Variants in SSC5D observed in about 807,000 individuals in gnomAD.
SSC5D encodes the protein scavenger receptor cysteine rich family member with 5 domains, also known as soluble scavenger receptor cysteine-rich domain-containing protein SSC5D.
Under a neutral mutation model 104.6 loss-of-function variants are expected in SSC5D, and 106 were observed. The ratio of observed to expected loss-of-function variants is 1.01; its 90% CI spans 0.87 to 1.19. The LOEUF (loss-of-function observed/expected upper bound fraction) is 1.19, where lower values mean the gene tolerates loss of function less well. SSC5D is among the 50% of genes most tolerant of loss of function. SSC5D has a pLI of 0.00. For synonymous variants in SSC5D, 860 were observed against 883.5 expected (o/e 0.97, Z 0.47); for missense variants, 1,993 against 2,153.8 (o/e 0.93, Z 1.48).
In SSC5D at chr19:55,517,841, A is replaced by G; in HGVS notation, c.3565A>G (p.Thr1189Ala). Residue 1189 changes from threonine to alanine, a missense_variant, in exon 14 of 14, where the codon ACC becomes GCC. Thr to Ala is a moderately conservative substitution (Grantham distance 58). This residue lies in a region of SSC5D where 30 missense variants were observed against 52.4 expected (regional missense o/e 0.57). Transcript: ENST00000389623. ...PHPTTTPHPT[T>A]ITHSTMIPDP... ...CCCCACCACGACCCCTCACCCCACCACCATCACTCACTCCACCATGATTCC... is the reference window on the plus strand; with the variant it reads ...CCCCACCACGACCCCTCACCCCACCGCCATCACTCACTCCACCATGATTCC... The G allele has an allele frequency of 7.7e-7, 1 of 1,294,042 alleles. No individual in the cohort carries two copies. The highest frequency in any genetic ancestry group is 1.0e-6 in the Non-Finnish European group (1 of 992,232). The allele number at this position is 1,294,042 out of a possible 1,614,324, so 80.2% of individuals were successfully genotyped here.
At chr19:55,492,570 C>CCCAAAAATAAAAAAA (rs1987181222) in intron 6 of SSC5D, 1 of 152,106 alleles carries the variant, frequency 6.6e-6, no homozygotes, top group South Asian at 2.1e-4. Context: ...CTCCCCTCCC[C>CCCAAAAATAAAAAAA]TGTCTGCAGA....
chr19:55,488,555 C>T lies in SSC5D; in HGVS notation c.-35C>T, dbSNP rs1225690842. The T allele has an allele frequency of 1.3e-6, 2 of 1,546,672 alleles. No homozygotes were observed. The highest frequency in any genetic ancestry group is 2.0e-5 in the Admixed American group (1 of 50,890). On this transcript the variant is annotated 5_prime_UTR_variant, in exon 1 of 14. Coordinates refer to ENST00000389623, the MANE Select transcript of SSC5D (RefSeq NM_001144950.2). Reference sequence around the variant, plus strand: ...CTCCTCTTCTCTCCCCGCTCTCCTTCCCCTTTCACCCCATCCCCTGCCCTG... The same window carrying T: ...CTCCTCTTCTCTCCCCGCTCTCCTTTCCCTTTCACCCCATCCCCTGCCCTG...
Position 55,519,082 on chromosome 19 carries a change from A to C in SSC5D, c.*84A>C. Reference sequence around the variant, plus strand: ...AAAACCCCCAAAGTATCTAATTAAAAACAAGGTGTGAATGGTATTTTTGGG... The same window carrying C: ...AAAACCCCCAAAGTATCTAATTAAACACAAGGTGTGAATGGTATTTTTGGG... On this transcript the variant is annotated 3_prime_UTR_variant, in exon 14 of 14. Transcript: ENST00000389623. 1 of 1,400,200 alleles carries C rather than the reference A, an allele frequency of 7.1e-7. No individual in the cohort carries two copies. Among genetic ancestry groups the C allele is most frequent in the South Asian group, 1.3e-5 (1 of 74,138 alleles). The allele number at this position is 1,400,200 out of a possible 1,614,324, so 86.7% of individuals were successfully genotyped here.
At position 55,519,094 on chromosome 19, in the gene SSC5D, A is replaced by G. The variant is rs1987966931; in HGVS notation, c.*96A>G. 1.5e-6 allele frequency: 2 copies of G among 1,328,864 alleles called. No individual in the cohort carries two copies. Among genetic ancestry groups the G allele is most frequent in the African/African-American group, 3.0e-5 (2 of 67,238 alleles). The allele number at this position is 1,328,864 out of a possible 1,614,324, so 82.3% of individuals were successfully genotyped here. ...GTATCTAATTAAAAACAAGGTGTGAATGGTATTTTTGGGGAATCCTAGAAA... is the reference window on the plus strand; with the variant it reads ...GTATCTAATTAAAAACAAGGTGTGAGTGGTATTTTTGGGGAATCCTAGAAA... On this transcript the variant is annotated 3_prime_UTR_variant, in exon 14 of 14. Transcript: ENST00000389623.
intron 13 of SSC5D, among the ~76,000 whole-genome samples, chr19:55,513,733 G>A (rs568407371): frequency 3.3e-5 from 5 of 152,236 alleles, no homozygotes; most frequent in African/African-American, 1.2e-4. Context: ...GTAGAGGCCG[G>A]GGTGGTGATA....
chr19:55,514,925 G>T (rs974216335), intron 13 of SSC5D, among the ~76,000 whole-genome samples: 12 of 152,166 alleles, frequency 7.9e-5, no homozygotes, highest in Admixed American at 6.6e-4. Flanking sequence ...TGGTCACCCC[G>T]CTAGGAAGCC....
Position 55,489,927 on chromosome 19 carries a change from A to G in SSC5D, c.407A>G (p.Asp136Gly), listed in dbSNP as rs908748482. 14 of 1,548,454 alleles carry G rather than the reference A, an allele frequency of 9.0e-6. No individual in the cohort carries two copies. The highest frequency in any genetic ancestry group is 7.4e-5 in the East Asian group (3 of 40,680). Reference protein sequence around the residue: ...NSRDDSTSPLDGAPWPGLLLE... With the variant: ...NSRDDSTSPLGGAPWPGLLLE... ...AGGGACGACTCAACATCTCCCCTGG[A>G]TGGGGCTCCCTGGCCAGGGCTGTTG... Residue 136 changes from aspartate (D) to glycine (G), a missense_variant, in exon 4 of 14, where the codon GAT becomes GGT. This residue lies in a region of SSC5D where 1,101 missense variants were observed against 1,085.0 expected (regional missense o/e 1.01). Transcript: ENST00000389623.
rs1312097632 is a variant in SSC5D at position 55,490,929 on chromosome 19, C to T, written c.744C>T (p.Pro248=). 10 of 1,544,072 alleles carry T rather than the reference C, an allele frequency of 6.5e-6. No homozygotes were observed. The highest frequency in any genetic ancestry group is 8.7e-6 in the Non-Finnish European group (10 of 1,143,558). The part of the protein sequence containing the change: ...ELGCGGALAA[P]GGARFGPGAG... ...GCTGTGGGGGGGCGCTGGCTGCCCC[C>T]GGCGGTGCCAGATTCGGGCCTGGTG... Residue 248 remains proline, a synonymous_variant, in exon 6 of 14, where the codon CCC becomes CCT. Coordinates refer to ENST00000389623, the MANE Select transcript of SSC5D (RefSeq NM_001144950.2).
rs908988266 is a variant in SSC5D, at chr19:55,494,565, T to G, written c.1214-45T>G. On this transcript the variant is annotated intron_variant, in intron 7 of 13. Coordinates refer to ENST00000389623, the MANE Select transcript of SSC5D (RefSeq NM_001144950.2). Reference sequence around the variant, plus strand: ...GGAGGTGGGGGTGCCGGCTCCGGGATGGAGGGTGTGTGTGGGTGGCAATCA... The same window carrying G: ...GGAGGTGGGGGTGCCGGCTCCGGGAGGGAGGGTGTGTGTGGGTGGCAATCA... 6 of 1,460,322 alleles carry G rather than the reference T, an allele frequency of 4.1e-6. No individual in the cohort carries two copies. The South Asian group carries it at 6.9e-5, about 17-fold the overall frequency. 90.5% of individuals were successfully genotyped at this position (1,460,322 alleles called of 1,614,324 possible).
rs1987068964 is a variant in SSC5D at position 55,489,540 on chromosome 19, G to A, written c.239G>A (p.Gly80Glu). ...GGCGCCTTCTTCGGGGAGGGGGCAG[G>A]GCCTGTGTGGCTCAGCGAGCTGGCT... is the stretch of plus-strand genomic sequence containing the variant. ...PGGAFFGEGA[G>E]PVWLSELACR... The change falls in exon 3 of 14, where the codon GGG becomes GAG. Residue 80 changes from glycine (G) to glutamate (E), a missense_variant. Coordinates refer to ENST00000389623, the MANE Select transcript of SSC5D (RefSeq NM_001144950.2). The A allele has an allele frequency of 6.7e-7, 1 of 1,494,146 alleles. No homozygotes were observed. Among genetic ancestry groups the A allele is most frequent in the Admixed American group, 2.2e-5 (1 of 44,952 alleles). 92.6% of individuals were successfully genotyped at this position (1,494,146 alleles called of 1,614,324 possible).
intron 7 of SSC5D, 136 bp downstream of exon 7, chr19:55,494,048 T>C (rs1011621491): frequency 1.7e-5 from 15 of 871,890 alleles, no homozygotes; most frequent in Non-Finnish European, 2.4e-5. Context: ...CCCATCTTAT[T>C]CCCCTCTGAA....
In SSC5D at chr19:55,500,687, A is replaced by G. The variant is rs1202511630; in HGVS notation, c.2500A>G (p.Ile834Val). 1.2e-5 allele frequency: 19 copies of G among 1,551,732 alleles called. No individual in the cohort carries two copies. In the East Asian group the frequency reaches 4.4e-4, roughly 36 times the overall value. The stretch of plus-strand genomic sequence containing the variant: ...CCATTACGGCCCTGGGACTGGGCCC[A>G]TCTGGCTGGATGACATGGGCTGTAA... ...KTHYGPGTGP[I>V]WLDDMGCKGS... The change falls in exon 11 of 14, where the codon ATC becomes GTC. Residue 834 changes from isoleucine (I) to valine (V), a missense_variant. Around this residue, in one of 6 missense-constraint regions of SSC5D, gnomAD observed 70 missense variants for 107.1 expected, o/e 0.65. Transcript: ENST00000389623. The surrounding 1 kb of genome is among the most constrained non-coding windows in gnomAD (Gnocchi z 4.6).
chr19:55,502,909 G>A lies in SSC5D; in HGVS notation c.2785+1708G>A, dbSNP rs776666240. On this transcript the variant is annotated intron_variant, in intron 12 of 13. Transcript: ENST00000389623. ...CGGCTCACTGCAACCTCCACCTCCC[G>A]GGTTCAAGTGATTCTCCTGCCTCAG... Among the ~76,000 whole-genome samples the A allele has an allele frequency of 9.2e-5, 14 of 151,902 alleles. No individual in the cohort carries two copies. The South Asian group carries it at 1.5e-3, about 16-fold the overall frequency.
At chr19:55,494,879 G>A (rs555304394) in intron 8 of SSC5D, 96 bp downstream of exon 8, 1 of 1,371,480 alleles carries the variant, frequency 7.3e-7, no homozygotes, top group East Asian at 2.7e-5. Flanking sequence ...CTTGCAAAGA[G>A]AAAGGTGGAG....
Position 55,518,475 on chromosome 19 carries a change from C to G in SSC5D, c.4199C>G (p.Thr1400Arg), listed in dbSNP as rs541869609. 4 of 1,551,390 alleles carry G rather than the reference C, an allele frequency of 2.6e-6. No individual in the cohort carries two copies. Among genetic ancestry groups the G allele is most frequent in the Admixed American group, 3.9e-5 (2 of 50,978 alleles). The change falls in exon 14 of 14, where the codon ACA (threonine) becomes AGA (arginine). Residue 1400 changes from threonine to arginine, a missense_variant. By Grantham distance (71) the Thr-to-Arg change is moderately conservative. This residue lies in a region of SSC5D where 349 missense variants were observed against 397.6 expected (regional missense o/e 0.88). Transcript: ENST00000389623. ...AGCCCCTCCAGGTCCTCCACAGCCA[C>G]AAGCATGGACCCACTGTCCACTGAG... ...ESSPSRSSTATSMDPLSTEDF... is the reference protein window; with the variant it reads ...ESSPSRSSTARSMDPLSTEDF...
chr19:55,515,486 A>C (rs1167783646), intron 13 of SSC5D, among the ~76,000 whole-genome samples: 1 of 151,628 alleles, frequency 6.6e-6, no homozygotes, highest in East Asian at 1.9e-4. Context: ...TAATCCCAGC[A>C]CTTTGGGAGG....
chr19:55,490,825 T>C lies in SSC5D; in HGVS notation c.640T>C (p.Trp214Arg), dbSNP rs531481511. The change falls in exon 6 of 14, where the codon TGG becomes CGG. Residue 214 changes from tryptophan (W) to arginine (R), a missense_variant. By Grantham distance (101) the Trp-to-Arg change is moderately radical. Around this residue, in one of 6 missense-constraint regions of SSC5D, gnomAD observed 1,101 missense variants for 1,085.0 expected, o/e 1.01. Coordinates refer to ENST00000389623, the MANE Select transcript of SSC5D (RefSeq NM_001144950.2). ...CAGGTGCGCCGGACGCCTGGAGGTC[T>C]GGCACGGCGGGCGCTGGGGCACCGT... is the stretch of plus-strand genomic sequence containing the variant. ...PHRCAGRLEV[W>R]HGGRWGTVCD... is the part of the protein sequence containing the mutation. The C allele has an allele frequency of 2.8e-5, 43 of 1,547,296 alleles. No homozygotes were observed. The African/African-American group carries it at 5.7e-4, about 21-fold the overall frequency.
At chr19:55,499,750 G>A in intron 9 of SSC5D, 66 bp from the exon 10 acceptor site, 2 of 1,280,806 alleles carry the variant, frequency 1.6e-6, no homozygotes, top group Non-Finnish European at 2.2e-6. Context: ...AGAAGGAGGG[G>A]CCTGGGTAGA....
intron 9 of SSC5D, among the ~76,000 whole-genome samples, chr19:55,499,091 C>A (rs575481946): frequency 6.6e-6 from 1 of 152,172 alleles, no homozygotes; most frequent in Admixed American, 6.5e-5. Context: ...GACTTGGCCA[C>A]GTACATGTGG....
Sources: gnomAD v4.1 joint callset for allele counts (sites outside exome capture counted in the v4.1 genomes callset) on GRCh38, gnomAD v4.1.1 for gene constraint, gnomAD v4.1.1 regional missense constraint, Gnocchi (gnomAD v3.1) non-coding constraint, MANE v1.5 for transcripts, NCBI Gene and HGNC (gene_info 2026-07-23, HGNC 2026-07-21) for gene names.